The following LACTB variants were observed in gnomAD, a reference collection of about 807,000 sequenced individuals.
The protein encoded by LACTB is lactamase beta, also known as serine beta-lactamase-like protein LACTB, mitochondrial.
In LACTB, 35 loss-of-function variants were observed where a neutral mutation model predicts 50.2. The observed-to-expected ratio is 0.70, with a 90% confidence interval of 0.53 to 0.92. LACTB has a LOEUF of 0.92. Ranked by LOEUF, LACTB falls within the 40% of genes least tolerant of loss-of-function variation. LACTB has a pLI of 0.00. For synonymous variants in LACTB, 252 were observed against 268.2 expected, an observed-to-expected ratio of 0.94 and a Z score of 0.59; for missense variants, 664 against 691.8, an observed-to-expected ratio of 0.96 and a Z score of 0.45.
chr15:63,141,120 G>T, intron 5 of LACTB, 160 bp from the exon 6 acceptor site: 1 of 982,940 alleles, frequency 1.0e-6, no homozygotes, highest in Non-Finnish European at 1.2e-6. Context: ...GTGTCATTAG[G>T]ACCTGAATCA....
chr15:63,136,169 G>A (rs950798000), intron 5 of LACTB, among the ~76,000 whole-genome samples: 2 of 151,526 alleles, frequency 1.3e-5, no homozygotes, highest in African/African-American at 4.9e-5. Flanking sequence ...AGCCTTCCAA[G>A]TAGCTGGAAC....
chr15:63,126,815 C>T, intron 2 of LACTB, 44 bp from the exon 3 acceptor site: 1 of 1,257,902 alleles, frequency 7.9e-7, no homozygotes, highest in Non-Finnish European at 1.1e-6. Context: ...CTTGTTTGAC[C>T]ATGAAGCCTG....
intron 4 of LACTB, 177 bp from the exon 5 acceptor site, chr15:63,129,305 TAAG>T (rs1159022663): frequency 6.5e-6 from 3 of 464,388 alleles, no homozygotes; most frequent in African/African-American, 4.0e-5. Context: ...GGACTTGGAA[TAAG>T]GACAGTTGCA....
intron 5 of LACTB, among the ~76,000 whole-genome samples, chr15:63,131,959 A>C (rs2037136759): frequency 6.6e-6 from 1 of 152,132 alleles, no homozygotes; most frequent in African/African-American, 2.4e-5. Context: ...CCCAACAAAA[A>C]AAAAAAAGAA....
intron 2 of LACTB, among the ~76,000 whole-genome samples, chr15:63,126,402 A>G (rs1421875169): frequency 6.6e-6 from 1 of 152,208 alleles, no homozygotes; most frequent in Non-Finnish European, 1.5e-5. Context: ...TTGGCCACCC[A>G]AAGTGCTCAG....
chr15:63,136,042 C>CTTTTTTTTTTT (rs55680025), intron 5 of LACTB, among the ~76,000 whole-genome samples: 2 of 132,586 alleles, frequency 1.5e-5, no homozygotes, highest in Non-Finnish European at 1.6e-5. Context: ...ATTTTCTTTT[C>CTTTTTTTTTTT]TTTTTTTTTT....
chr15:63,122,601 C>T (rs2036991442), intron 1 of LACTB, 35 bp from the exon 2 acceptor site: 10 of 1,544,980 alleles, frequency 6.5e-6, no homozygotes, highest in African/African-American at 4.1e-5. Context: ...TTTCAGCAGG[C>T]CCGTAACTGT....
intron 4 of LACTB, among the ~76,000 whole-genome samples, chr15:63,128,792 G>A (rs923447030): frequency 1.3e-5 from 2 of 152,124 alleles, no homozygotes; most frequent in African/African-American, 4.8e-5. Context: ...CACCCAGGCT[G>A]GAGTACAGTG....
chr15:63,121,985 C>A lies in LACTB; in HGVS notation c.114C>A (p.His38Gln). ...HQRAGLPPLG[H>Q]GWVGGLGLGL... The stretch of plus-strand genomic sequence containing the variant: ...GCGCCGGGCTGCCGCCTCTCGGCCA[C>A]GGCTGGGTCGGGGGCCTCGGGCTGG... The change falls in exon 1 of 6, where the codon CAC becomes CAA. Residue 38 changes from histidine to glutamine, a missense_variant. Transcript: ENST00000261893. 1 of 1,369,168 alleles carries A rather than the reference C, an allele frequency of 7.3e-7. No homozygotes were observed. 84.8% of individuals were successfully genotyped at this position (1,369,168 alleles called of 1,614,324 possible). A position where few individuals can be genotyped will look rare whatever the true frequency, so the allele number is the denominator to read the frequency against.
intron 4 of LACTB, among the ~76,000 whole-genome samples, chr15:63,128,044 T>A (rs961334122): frequency 6.6e-6 from 1 of 152,258 alleles, no homozygotes; most frequent in Admixed American, 6.5e-5. Context: ...TTTAAATTGC[T>A]CAACTTATTT....
chr15:63,127,592 T>C lies in LACTB; in HGVS notation c.855T>C (p.Asn285=). The C allele has an allele frequency of 6.2e-7, 1 of 1,613,428 alleles. No homozygotes were observed. The highest frequency in any genetic ancestry group is 8.5e-7 in the Non-Finnish European group (1 of 1,179,524). The change falls in exon 4 of 6, where the codon AAT becomes AAC. Residue 285 remains asparagine (N), a synonymous_variant. Coordinates refer to ENST00000261893, the MANE Select transcript of LACTB (RefSeq NM_032857.5). Reference sequence around the variant, plus strand: ...ATTCAAAACCTGGCAAGAAAAAGAATGATTTTGAACAAGGCGAATTATATT... The same window carrying C: ...ATTCAAAACCTGGCAAGAAAAAGAACGATTTTGAACAAGGCGAATTATATT... ...CRNSKPGKKK[N]DFEQGELYLR...
intron 5 of LACTB, among the ~76,000 whole-genome samples, chr15:63,135,943 G>A (rs530692040): frequency 6.6e-6 from 1 of 152,192 alleles, no homozygotes; most frequent in Non-Finnish European, 1.5e-5. Context: ...AGACTGCAGA[G>A]CAGCTATTAT....
Position 63,141,613 on chromosome 15 carries a change from A to C in LACTB, c.1452A>C (p.Ser484=). The change falls in exon 6 of 6, where the codon TCA becomes TCC. Residue 484 remains serine, a synonymous_variant. Transcript: ENST00000261893. ...GSCRKQRHYA[S]HTGGAVGASS... ...GTAGAAAGCAACGGCATTATGCTTC[A>C]CATACTGGAGGGGCAGTGGGTGCCA... is the stretch of plus-strand genomic sequence containing the variant. 1 of 1,614,206 alleles carries C rather than the reference A, an allele frequency of 6.2e-7. No individual in the cohort carries two copies.
intron 3 of LACTB, 90 bp downstream of exon 3, chr15:63,127,139 C>G: frequency 9.0e-7 from 1 of 1,109,368 alleles, no homozygotes; most frequent in Non-Finnish European, 1.3e-6. Context: ...GATTCTTTGG[C>G]TTGTTTTTAG....
intron 5 of LACTB, among the ~76,000 whole-genome samples, chr15:63,136,913 T>C (rs1368077746): frequency 6.6e-6 from 1 of 152,156 alleles, no homozygotes; most frequent in African/African-American, 2.4e-5. Flanking sequence ...CAGGAGTAAA[T>C]ATTTCTCTTC....
At chr15:63,128,606 A>G (rs1169069280) in intron 4 of LACTB, among the ~76,000 whole-genome samples, 3 of 152,186 alleles carry the variant, frequency 2.0e-5, no homozygotes. Context: ...CCCTGTCTCA[A>G]ACCAGTTTGA....
chr15:63,123,832 C>T (rs1478274037), intron 2 of LACTB, among the ~76,000 whole-genome samples: 1 of 152,180 alleles, frequency 6.6e-6, no homozygotes, highest in Non-Finnish European at 1.5e-5. Context: ...AAGGCAGAGC[C>T]AGGTGTACAG....
chr15:63,130,219 T>C (rs1186524923), intron 5 of LACTB: 1 of 152,322 alleles, frequency 6.6e-6, no homozygotes, highest in East Asian at 1.9e-4. Flanking sequence ...ACAAGGACAT[T>C]CAGGGCCGGG....
At chr15:63,135,841 A>C (rs1488450601) in intron 5 of LACTB, among the ~76,000 whole-genome samples, 2 of 152,134 alleles carry the variant, frequency 1.3e-5, no homozygotes, top group Non-Finnish European at 2.9e-5. Context: ...TTGAAAATGG[A>C]CGTCTAGCTC....
Sources: allele counts gnomAD v4.1 joint callset (sites outside exome capture counted in the v4.1 genomes callset), GRCh38; gene constraint gnomAD v4.1.1; transcripts MANE v1.5; gene names NCBI Gene and HGNC (gene_info 2026-07-23, HGNC 2026-07-21).